DAB1: variants seen among roughly 807,000 people sequenced by gnomAD.
DAB1 encodes the protein disabled homolog 1.
In DAB1, 15 loss-of-function variants were observed where a neutral mutation model predicts 64.6. The observed-to-expected ratio is 0.23, with a 90% CI of 0.16 to 0.36. The LOEUF is 0.36. Ranked by LOEUF, DAB1 falls within the 10% of genes least tolerant of loss-of-function variation. The pLI, the probability that DAB1 is intolerant of heterozygous loss-of-function variation, is 1.00. For synonymous variants in DAB1, 235 were observed against 251.9 expected (o/e 0.93, Z 0.64); for missense variants, 596 against 706.7 (o/e 0.84, Z 1.78).
At chr1:57,300,729 G>T (rs936541506) in intron 1 of DAB1, among the ~76,000 whole-genome samples, 1 of 152,100 alleles carries the variant, frequency 6.6e-6, no homozygotes, top group African/African-American at 2.4e-5. Flanking sequence ...AAATCCACTG[G>T]GGTGGGGAGA....
chr1:57,439,716 C>G (rs550212008), intron 7 of DAB1, among the ~76,000 whole-genome samples: 2 of 151,212 alleles, frequency 1.3e-5, no homozygotes, highest in Non-Finnish European at 2.9e-5. Context: ...CGTGAGCCAC[C>G]GCACCCGGCC....
At chr1:58,492,861 T>C (rs917930988) in intron 3 of DAB1, among the ~76,000 whole-genome samples, 10 of 152,232 alleles carry the variant, frequency 6.6e-5, no homozygotes, top group African/African-American at 2.4e-4. Flanking sequence ...GTACCATTCC[T>C]TCTGAAACTA....
intron 4 of DAB1, among the ~76,000 whole-genome samples, chr1:57,101,122 C>A (rs116483688): frequency 6.6e-6 from 1 of 152,082 alleles, no homozygotes; most frequent in Non-Finnish European, 1.5e-5. Flanking sequence ...ATCCTTCTTA[C>A]CCCTGGCATG....
intron 1 of DAB1, among the ~76,000 whole-genome samples, chr1:57,310,892 G>A (rs1402523979): frequency 1.3e-5 from 2 of 152,078 alleles, no homozygotes; most frequent in Non-Finnish European, 2.9e-5. Context: ...CGGCTACTTG[G>A]GAGACTGAGG....
intron 6 of DAB1, among the ~76,000 whole-genome samples, chr1:57,671,955 G>A (rs547846157): frequency 6.6e-6 from 1 of 152,184 alleles, no homozygotes; most frequent in Non-Finnish European, 1.5e-5. Context: ...TGGACAGTGT[G>A]TGCCACAGAG....
At position 57,282,206 on chromosome 1, in the gene DAB1, A is replaced by AC. The variant is rs200316478; in HGVS notation, c.67+8757_67+8758insG. Among the ~76,000 whole-genome samples the AC allele has an allele frequency of 5.8e-3, 789 of 135,626 alleles. 45 individuals are homozygous for AC. The highest frequency in any genetic ancestry group is 0.022 in the African/African-American group (753 of 33,758). The allele number at this position is 135,626 out of a possible 152,430, so 89.0% of individuals were successfully genotyped here. On this transcript the variant is annotated intron_variant, in intron 2 of 14. Transcript: ENST00000371236. ...TCAAAAAAAAAAAAAAAAAAAAAAA[A>AC]AAAAAACAGGTGACTGAGTTTTGAA...
At chr1:57,358,651 A>G (rs2100888064) in intron 1 of DAB1, among the ~76,000 whole-genome samples, 1 of 152,230 alleles carries the variant, frequency 6.6e-6, no homozygotes, top group Non-Finnish European at 1.5e-5. Flanking sequence ...TGGAACCACA[A>G]AAGAGCCCAA....
At chr1:58,213,526 T>C (rs902411769) in intron 4 of DAB1, among the ~76,000 whole-genome samples, 1 of 151,976 alleles carries the variant, frequency 6.6e-6, no homozygotes, top group Non-Finnish European at 1.5e-5. Flanking sequence ...AAGAGCCCCT[T>C]ATAAAACCAC....
At chr1:58,261,671 A>C (rs181393405) in intron 4 of DAB1, among the ~76,000 whole-genome samples, 12 of 152,226 alleles carry the variant, frequency 7.9e-5, no homozygotes, top group Admixed American at 7.8e-4. Flanking sequence ...CATAACTCTA[A>C]TAATAACCCA....
chr1:57,233,055 T>C (rs1392316405), intron 2 of DAB1, among the ~76,000 whole-genome samples: 3 of 151,962 alleles, frequency 2.0e-5, no homozygotes, highest in African/African-American at 7.3e-5. Context: ...GAAACTGTTT[T>C]TAAAAATAAA....
chr1:57,630,499 A>G (rs955951223), intron 7 of DAB1, among the ~76,000 whole-genome samples: 1 of 152,156 alleles, frequency 6.6e-6, no homozygotes, highest in Non-Finnish European at 1.5e-5. Flanking sequence ...CATGGGGTCT[A>G]TTTATATAAA....
At chr1:57,064,072 G>A (rs1396781147) in intron 8 of DAB1, among the ~76,000 whole-genome samples, 10 of 152,198 alleles carry the variant, frequency 6.6e-5, no homozygotes, top group Admixed American at 5.2e-4. Context: ...TATGGTAAAC[G>A]TATGATAGAG....
At chr1:57,402,767 A>C (rs1413588146) in intron 1 of DAB1, among the ~76,000 whole-genome samples, 3 of 152,236 alleles carry the variant, frequency 2.0e-5, no homozygotes, top group African/African-American at 7.2e-5. Flanking sequence ...TCATAAACAC[A>C]GACAGAGCAA....
intron 4 of DAB1, among the ~76,000 whole-genome samples, chr1:58,331,709 C>G (rs1662972613): frequency 6.6e-6 from 1 of 152,084 alleles, no homozygotes; most frequent in Admixed American, 6.6e-5. Context: ...CAGTTCTTAA[C>G]AACAAGTATT....
At chr1:57,682,777 G>A (rs1175185341) in intron 6 of DAB1, among the ~76,000 whole-genome samples, 2 of 152,146 alleles carry the variant, frequency 1.3e-5, no homozygotes, top group Non-Finnish European at 2.9e-5. Flanking sequence ...AGCCATAGGT[G>A]TCCATCCCCC....
At chr1:57,910,776 T>C (rs932657245) in intron 5 of DAB1, among the ~76,000 whole-genome samples, 2 of 152,230 alleles carry the variant, frequency 1.3e-5, no homozygotes, top group African/African-American at 4.8e-5. Flanking sequence ...CTTTAAATGT[T>C]GGCCTGCATT....
chr1:57,194,850 G>A (rs1263433287), intron 2 of DAB1, among the ~76,000 whole-genome samples: 1 of 152,142 alleles, frequency 6.6e-6, no homozygotes, highest in African/African-American at 2.4e-5. Context: ...AGCCATTGCT[G>A]GCCACAGCAA....
intron 4 of DAB1, among the ~76,000 whole-genome samples, chr1:57,087,178 G>A (rs1406350785): frequency 2.0e-5 from 3 of 152,210 alleles, no homozygotes; most frequent in Non-Finnish European, 2.9e-5. Context: ...GAAAGGCACA[G>A]GGCATAGAAA....
chr1:57,221,889 ATT>A lies in DAB1; in HGVS notation c.67+69073_67+69074del, dbSNP rs34829466. Among the ~76,000 whole-genome samples the A allele has an allele frequency of 1.5e-3, 218 of 144,702 alleles. 1 individual carries two copies. Among genetic ancestry groups the A allele is most frequent in the Admixed American group, 5.7e-3 (84 of 14,622 alleles). 94.9% of individuals were successfully genotyped at this position (144,702 alleles called of 152,430 possible). A position where few individuals can be genotyped will look rare whatever the true frequency, so the allele number is the denominator to read the frequency against. Reference sequence around the variant, plus strand: ...CTAAAATGGCCAGTAGTTAAATGTCATTTTTTTTTTTTTGCTTTATAGATTAT... The same window carrying A: ...CTAAAATGGCCAGTAGTTAAATGTCATTTTTTTTTTTGCTTTATAGATTAT... On this transcript the variant is annotated intron_variant, in intron 2 of 14. Transcript: ENST00000371236.
Sources: allele counts gnomAD v4.1 joint callset (sites outside exome capture counted in the v4.1 genomes callset), GRCh38; gene constraint gnomAD v4.1.1; transcripts MANE v1.5; gene names NCBI Gene and HGNC (gene_info 2026-07-23, HGNC 2026-07-21).